The following ARHGAP35 variants were observed in gnomAD, a reference collection of about 807,000 sequenced individuals.
ARHGAP35 encodes Rho GTPase activating protein 35.
ARHGAP35 carries 15 observed loss-of-function variants against 111.1 expected under a neutral mutation model. The observed-to-expected ratio is 0.13, with a 90% CI of 0.09 to 0.21. ARHGAP35 has a LOEUF of 0.21. ARHGAP35 is among the 10% of genes least tolerant of loss of function. The pLI is 1.00. For synonymous variants in ARHGAP35, 643 were observed against 710.3 expected, an observed-to-expected ratio of 0.91 and a Z score of 1.51; for missense variants, 1,262 against 1,873.0, an observed-to-expected ratio of 0.67 and a Z score of 6.02.
At chr19:46,980,874 T>C (rs1428313099) in intron 3 of ARHGAP35, among the ~76,000 whole-genome samples, 1 of 152,242 alleles carries the variant, frequency 6.6e-6, no homozygotes, top group African/African-American at 2.4e-5. Flanking sequence ...CACTAAGTGC[T>C]AAGATCTCAT....
chr19:46,891,670 C>A (rs2056024632), intron 1 of ARHGAP35, among the ~76,000 whole-genome samples: 2 of 152,066 alleles, frequency 1.3e-5, no homozygotes, highest in South Asian at 2.1e-4. Context: ...CGTGATCTGC[C>A]CGCCTGAGCC....
intron 1 of ARHGAP35, among the ~76,000 whole-genome samples, chr19:46,914,512 G>T (rs537289151): frequency 6.6e-6 from 1 of 152,264 alleles, no homozygotes; most frequent in East Asian, 1.9e-4. Flanking sequence ...AGCTACTTGG[G>T]ATGCTGAAGT....
rs892989448 is a variant in ARHGAP35, at chr19:46,905,298, C to T, written c.-188-13190C>T. Among the ~76,000 whole-genome samples the T allele has an allele frequency of 6.6e-5, 10 of 151,684 alleles. No homozygotes were observed. In the East Asian group the frequency reaches 1.4e-3, roughly 21 times the overall value. ...ATCTCAGCACTTTGGGAGGCTGAGG[C>T]GGGTGGATCAGGAGATCGAGGCCAG... On this transcript the variant is annotated intron_variant, in intron 1 of 6. Transcript: ENST00000672722.
intron 1 of ARHGAP35, among the ~76,000 whole-genome samples, chr19:46,894,152 A>G (rs2056041115): frequency 6.6e-6 from 1 of 152,148 alleles, no homozygotes; most frequent in Non-Finnish European, 1.5e-5. Context: ...TGCAATTAGG[A>G]TGCAATCCCT....
chr19:46,972,511 C>T (rs189305844), intron 3 of ARHGAP35, among the ~76,000 whole-genome samples: 37 of 152,270 alleles, frequency 2.4e-4, no homozygotes, highest in Non-Finnish European at 4.4e-4. Context: ...CTTAGGCGTG[C>T]GGCGCACAGC....
At chr19:46,890,672 A>G (rs2056019263) in intron 1 of ARHGAP35, among the ~76,000 whole-genome samples, 1 of 152,224 alleles carries the variant, frequency 6.6e-6, no homozygotes, top group African/African-American at 2.4e-5. Flanking sequence ...CCTTTGCATG[A>G]GAGGGTGTAA....
intron 1 of ARHGAP35, among the ~76,000 whole-genome samples, chr19:46,887,570 C>T (rs577554562): frequency 2.0e-5 from 3 of 152,226 alleles, no homozygotes; most frequent in Admixed American, 2.0e-4. Context: ...TGTGACTTCA[C>T]CAAGGGAGTG....
chr19:46,997,277 A>G (rs1389866737), intron 5 of ARHGAP35, among the ~76,000 whole-genome samples: 1 of 152,176 alleles, frequency 6.6e-6, no homozygotes, highest in Admixed American at 6.5e-5. Flanking sequence ...GTCATTTCTG[A>G]TAGACAGATG....
rs769380508 is a variant in ARHGAP35, at chr19:47,000,839, A to G, written c.*151A>G. ...AAGACCTCAGTGGGAGCACCAGCCA[A>G]TGGTACCATCGGCTGGGCTGCCAGG... On this transcript the variant is annotated 3_prime_UTR_variant, in exon 7 of 7. Transcript: ENST00000672722. The surrounding 1 kb of genome is among the most constrained non-coding windows in gnomAD (Gnocchi z 6.9). The G allele has an allele frequency of 3.0e-5, 46 of 1,539,358 alleles. No homozygotes were observed. Among genetic ancestry groups the G allele is most frequent in the Admixed American group, 1.2e-4 (6 of 50,968 alleles).
intron 1 of ARHGAP35, among the ~76,000 whole-genome samples, chr19:46,909,160 G>A (rs763803956): frequency 1.4e-4 from 22 of 152,078 alleles, no homozygotes; most frequent in South Asian, 1.2e-3. Flanking sequence ...AAAATTAGCC[G>A]GCCGTGGTGG....
At chr19:46,866,201 G>T (rs1023762574) in intron 1 of ARHGAP35, among the ~76,000 whole-genome samples, 14 of 152,128 alleles carry the variant, frequency 9.2e-5, no homozygotes, top group African/African-American at 3.4e-4. Flanking sequence ...ATGATGTCCA[G>T]TTGGTAAGAT....
At chr19:46,910,158 G>C (rs921779989) in intron 1 of ARHGAP35, among the ~76,000 whole-genome samples, 2 of 152,088 alleles carry the variant, frequency 1.3e-5, no homozygotes, top group African/African-American at 4.8e-5. Flanking sequence ...TGTCACCCAG[G>C]CTACAGTGCA....
chr19:46,865,467 T>A (rs1189155392), intron 1 of ARHGAP35, among the ~76,000 whole-genome samples: 1 of 152,142 alleles, frequency 6.6e-6, no homozygotes, highest in African/African-American at 2.4e-5. Flanking sequence ...TACTCATTCT[T>A]ATTGATCCAG....
At chr19:46,923,736 T>G (rs777610768) in intron 2 of ARHGAP35, among the ~76,000 whole-genome samples, 12 of 151,658 alleles carry the variant, frequency 7.9e-5, no homozygotes, top group Non-Finnish European at 1.8e-4. Flanking sequence ...CTGGCCAACA[T>G]GGTGAAACCC....
rs187603094 is a variant in ARHGAP35, at chr19:46,883,442, G to A, written c.-189+22233G>A. ...ACATGGTTGTGTCTCAGAGAACAGG[G>A]ACAGAGATGAGGAGCAGTTAGAACA... On this transcript the variant is annotated intron_variant, in intron 1 of 6. Coordinates refer to ENST00000672722, the MANE Select transcript of ARHGAP35 (RefSeq NM_004491.5). Among the ~76,000 whole-genome samples, 579 of 152,250 alleles carry A rather than the reference G, an allele frequency of 3.8e-3. 3 individuals carry two copies. Among genetic ancestry groups the A allele is most frequent in the African/African-American group, 0.014 (561 of 41,536 alleles).
chr19:46,983,979 T>C (rs532963759), intron 3 of ARHGAP35, among the ~76,000 whole-genome samples: 1 of 152,346 alleles, frequency 6.6e-6, no homozygotes, highest in African/African-American at 2.4e-5. Flanking sequence ...CTTTTCTACA[T>C]GGCCTTGTTC....
chr19:46,980,767 T>C (rs1459955413), intron 3 of ARHGAP35, among the ~76,000 whole-genome samples: 1 of 152,176 alleles, frequency 6.6e-6, no homozygotes, highest in Admixed American at 6.5e-5. Flanking sequence ...AGGGGCAGGA[T>C]TCGAACCCAT....
chr19:46,867,889 C>CA (rs2122855338), intron 1 of ARHGAP35, among the ~76,000 whole-genome samples: 1 of 152,004 alleles, frequency 6.6e-6, no homozygotes, highest in East Asian at 1.9e-4. Context: ...TTTTTTGAGA[C>CA]AGAGTCTCGC....
chr19:46,884,470 A>C (rs1288054888), intron 1 of ARHGAP35, among the ~76,000 whole-genome samples: 1 of 146,460 alleles, frequency 6.8e-6, no homozygotes, highest in Admixed American at 6.8e-5. Flanking sequence ...TAGTTTTCTC[A>C]TCTATAAAAT....
Sources: gnomAD v4.1 joint callset for allele counts (sites outside exome capture counted in the v4.1 genomes callset) on GRCh38, gnomAD v4.1.1 for gene constraint, Gnocchi (gnomAD v3.1) non-coding constraint, MANE v1.5 for transcripts, NCBI Gene and HGNC (gene_info 2026-07-23, HGNC 2026-07-21) for gene names.